SCN3A: variants seen among roughly 807,000 people sequenced by gnomAD.
SCN3A encodes the protein sodium voltage-gated channel alpha subunit 3, also known as sodium channel protein type 3 subunit alpha.
Under a neutral mutation model 187.6 loss-of-function variants are expected in SCN3A, and 60 were observed. The observed-to-expected ratio is 0.32, with a 90% CI of 0.26 to 0.40. SCN3A has a LOEUF of 0.40. SCN3A is among the 10% of genes least tolerant of loss of function. The pLI, the probability that SCN3A is intolerant of heterozygous loss-of-function variation, is 1.00. For synonymous variants in SCN3A, 788 were observed against 829.2 expected (o/e 0.95, Z 0.85); for missense variants, 1,601 against 2,428.2 (o/e 0.66, Z 7.16).
In SCN3A at chr2:165,162,745, C is replaced by A. The variant is rs1252699928; in HGVS notation, c.778G>T (p.Val260Leu). ...AGCTGCAGCCCAATGAGAGCAAACA[C>A]GCTCAGACAGAACACAGTCAGGATC... ...VMILTVFCLS[V>L]FALIGLQLFM... The change falls in exon 8 of 28, where the codon GTG becomes TTG. Residue 260 changes from valine (V) to leucine (L), a missense_variant. Physicochemically the swap from Val to Leu is conservative, Grantham distance 32 (BLOSUM62 1). Around this residue, in one of 11 missense-constraint regions of SCN3A, gnomAD observed 104 missense variants for 102.7 expected, o/e 1.01. Transcript: ENST00000283254. 4 of 1,614,120 alleles carry A rather than the reference C, an allele frequency of 2.5e-6. No individual in the cohort carries two copies. The highest frequency in any genetic ancestry group is 3.4e-6 in the Non-Finnish European group (4 of 1,180,008).
At chr2:165,160,481 G>A (rs1036586678) in intron 9 of SCN3A, among the ~76,000 whole-genome samples, 5 of 152,040 alleles carry the variant, frequency 3.3e-5, no homozygotes, top group African/African-American at 9.7e-5. Flanking sequence ...ATTCATTAAG[G>A]GGAATAGATT....
intron 1 of SCN3A, among the ~76,000 whole-genome samples, chr2:165,187,587 A>G (rs911042974): frequency 1.3e-5 from 2 of 152,214 alleles, no homozygotes; most frequent in African/African-American, 2.4e-5. Flanking sequence ...TACATGGTCT[A>G]TACAATCTTT....
chr2:165,154,796 A>G (rs2105862599), intron 10 of SCN3A, 138 bp from the exon 11 acceptor site: 1 of 797,366 alleles, frequency 1.3e-6, no homozygotes, highest in East Asian at 2.7e-5. Flanking sequence ...ATTTTTTGGT[A>G]TTGATATGCT....
chr2:165,152,765 C>T (rs543999943), intron 11 of SCN3A, among the ~76,000 whole-genome samples: 1 of 152,032 alleles, frequency 6.6e-6, no homozygotes, highest in Non-Finnish European at 1.5e-5. Flanking sequence ...GATCGCCATT[C>T]TAACTGGTGG....
intron 2 of SCN3A, among the ~76,000 whole-genome samples, chr2:165,177,426 G>C (rs1574305643): frequency 6.6e-6 from 1 of 152,178 alleles, no homozygotes; most frequent in Admixed American, 6.5e-5. Flanking sequence ...AGTTGATTAT[G>C]TTGTGTCTAG....
At position 165,132,140 on chromosome 2, in the gene SCN3A, C is replaced by T. The variant is rs1242725370; in HGVS notation, c.2392-723G>A. Among the ~76,000 whole-genome samples the T allele has an allele frequency of 3.9e-5, 6 of 152,178 alleles. No individual in the cohort carries two copies. In the East Asian group the frequency reaches 7.7e-4, roughly 20 times the overall value. On this transcript the variant is annotated intron_variant, in intron 15 of 27. Transcript: ENST00000283254. ...TCAATGAAATAAAAGAGGATACAAA[C>T]AAATGGAAGAACATTCGATGTTCAT...
In SCN3A at chr2:165,090,158, G is replaced by T. The variant is rs746768438; in HGVS notation, c.5995C>A (p.Gln1999Lys). 1.3e-6 allele frequency: 2 copies of T among 1,578,418 alleles called. No individual in the cohort carries two copies. Among genetic ancestry groups the T allele is most frequent in the South Asian group, 1.1e-5 (1 of 87,972 alleles). The change falls in exon 28 of 28, where the codon CAA becomes AAA. Residue 1999 changes from glutamine (Q) to lysine (K), a missense_variant. Physicochemically the swap from Gln to Lys is moderately conservative, Grantham distance 53 (BLOSUM62 1). This residue lies in a region of SCN3A where 87 missense variants were observed against 89.2 expected (regional missense o/e 0.98). Transcript: ENST00000283254. This position sits in a 1 kb window ranked among gnomAD's most constrained non-coding sequence, Gnocchi z 4.0. ...TAATTCTTTGTTTCTTTTTACTTTT[G>T]ATTTTCTCTGACCTCTTTTCCTTTG... ...ESKGKEVREN[Q>K]K
intron 10 of SCN3A, among the ~76,000 whole-genome samples, chr2:165,155,375 C>T (rs551358793): frequency 3.3e-5 from 5 of 152,072 alleles, no homozygotes; most frequent in Admixed American, 6.6e-5. Context: ...TTTCCCTTTC[C>T]CTTTCCTTTT....
chr2:165,174,007 A>T (rs918909483), intron 3 of SCN3A, among the ~76,000 whole-genome samples: 1 of 152,198 alleles, frequency 6.6e-6, no homozygotes, highest in African/African-American at 2.4e-5. Flanking sequence ...GACTCACATT[A>T]ACCAAACTTG....
At position 165,185,906 on chromosome 2, in the gene SCN3A, TTAAA is replaced by T. The variant is rs1691197783; in HGVS notation, c.-51+641_-51+644del. ...AATTACCAAATAAATATAATAAAAT[TTAAA>T]GTAAATACAGTCCAGGGTAATTTAC... On this transcript the variant is annotated intron_variant, in intron 2 of 27. Transcript: ENST00000283254. 1.7e-4 allele frequency among the ~76,000 whole-genome samples: 26 copies of T among 152,118 alleles called. 1 individual carries two copies. The highest frequency in any genetic ancestry group is 1.7e-3 in the Admixed American group (26 of 15,272).
intron 25 of SCN3A, among the ~76,000 whole-genome samples, chr2:165,095,272 G>A (rs1049385300): frequency 4.6e-5 from 7 of 152,180 alleles, no homozygotes; most frequent in Non-Finnish European, 7.4e-5. Context: ...CTGGAGACCC[G>A]TTGGATGGGT....
intron 21 of SCN3A, among the ~76,000 whole-genome samples, chr2:165,101,716 A>C (rs970386535): frequency 6.6e-6 from 1 of 152,202 alleles, no homozygotes; most frequent in African/African-American, 2.4e-5. Flanking sequence ...TTAATTTCCT[A>C]TGAAAAAAGG....
At chr2:165,173,339 T>G (rs961648662) in intron 3 of SCN3A, among the ~76,000 whole-genome samples, 1 of 152,194 alleles carries the variant, frequency 6.6e-6, no homozygotes, top group Non-Finnish European at 1.5e-5. Flanking sequence ...ACTCAGATCC[T>G]GGATTCACCA....
At chr2:165,143,102 T>TA (rs1429432193) in intron 12 of SCN3A, among the ~76,000 whole-genome samples, 1 of 152,126 alleles carries the variant, frequency 6.6e-6, no homozygotes, top group African/African-American at 2.4e-5. Flanking sequence ...CTCTGAGAGT[T>TA]AAAAATATAT....
intron 1 of SCN3A, among the ~76,000 whole-genome samples, chr2:165,193,400 CAGAAT>C (rs1419337968): frequency 6.6e-6 from 1 of 152,098 alleles, no homozygotes; most frequent in Non-Finnish European, 1.5e-5. Flanking sequence ...ACATGCAAAT[CAGAAT>C]ATAACAGCAT....
intron 2 of SCN3A, among the ~76,000 whole-genome samples, chr2:165,181,555 G>A (rs1419882520): frequency 1.3e-5 from 2 of 152,136 alleles, no homozygotes; most frequent in Non-Finnish European, 2.9e-5. Context: ...CCCAGTGGCA[G>A]GTAAAAGTTT....
intron 20 of SCN3A, among the ~76,000 whole-genome samples, chr2:165,113,339 TA>T (rs1174656155): frequency 2.0e-5 from 3 of 152,126 alleles, no homozygotes; most frequent in Non-Finnish European, 2.9e-5. Context: ...AATGAAGTAA[TA>T]TGAACTCAGA....
Position 165,112,952 on chromosome 2 carries a change from C to G in SCN3A, c.3776G>C (p.Trp1259Ser), listed in dbSNP as rs779302317. The G allele has an allele frequency of 1.3e-5, 21 of 1,613,320 alleles. No individual in the cohort carries two copies. ...YIFILEMLLK[W>S]VAYGFQTYFT... ...ATATGTTTGAAATCCATAAGCAACC[C>G]ATTTGAGAAGCATTTCCAGAATGAA... The change falls in exon 21 of 28, where the codon TGG becomes TCG. Residue 1259 changes from tryptophan (W) to serine (S), a missense_variant. Physicochemically the swap from Trp to Ser is radical, Grantham distance 177 (BLOSUM62 -3). This residue lies in a region of SCN3A where 320 missense variants were observed against 623.2 expected (regional missense o/e 0.51). Transcript: ENST00000283254.
rs1686200486 is a variant in SCN3A, at chr2:165,113,114, G to GA, written c.3670-57dup. On this transcript the variant is annotated intron_variant, in intron 20 of 27. Coordinates refer to ENST00000283254, the MANE Select transcript of SCN3A (RefSeq NM_006922.4). ...AATGGCTTGCTTCTTCTAAATATTT[G>GA]AAAAAATTGCTTAGTATAATAGTGA... 2.9e-6 allele frequency: 4 copies of GA among 1,366,454 alleles called. No individual in the cohort carries two copies. In the Admixed American group the frequency reaches 5.2e-5, roughly 18 times the overall value. 84.6% of individuals were successfully genotyped at this position (1,366,454 alleles called of 1,614,324 possible).
Sources: allele counts gnomAD v4.1 joint callset (sites outside exome capture counted in the v4.1 genomes callset), GRCh38; gene constraint gnomAD v4.1.1; regional missense constraint gnomAD v4.1.1; non-coding constraint Gnocchi (gnomAD v3.1); transcripts MANE v1.5; gene names NCBI Gene and HGNC (gene_info 2026-07-23, HGNC 2026-07-21).